The following ARHGAP25 variants were observed in gnomAD, a reference collection of about 807,000 sequenced individuals.
ARHGAP25 encodes rho GTPase-activating protein 25.
A neutral mutation model predicts 71.0 loss-of-function variants in ARHGAP25; 34 were observed. The observed-to-expected ratio is 0.48, with a 90% confidence interval of 0.36 to 0.64. The LOEUF (loss-of-function observed/expected upper bound fraction) is 0.64, where lower values mean the gene tolerates loss of function less well. Among genes scored for constraint, ARHGAP25 ranks in the 30% least tolerant of loss-of-function variants. The pLI is 0.00. For missense variants in ARHGAP25, 706 were observed against 805.1 expected (o/e 0.88, Z 1.49); for synonymous variants, 282 against 296.5 (o/e 0.95, Z 0.50).
chr2:68,796,857 C>T (rs144331001), intron 4 of ARHGAP25, among the ~76,000 whole-genome samples: 148 of 152,128 alleles, frequency 9.7e-4, no homozygotes, highest in Middle Eastern at 3.4e-3. Context: ...TTTTGGGCAG[C>T]GAGGATGGTG....
At chr2:68,734,336 A>G (rs1274416232), upstream of ARHGAP25, among the ~76,000 whole-genome samples, 1 of 152,196 alleles carries the variant, frequency 6.6e-6, no homozygotes, top group African/African-American at 2.4e-5. Flanking sequence ...TACAATGCCA[A>G]AGAACCCTTA....
intron 4 of ARHGAP25, 105 bp downstream of exon 4, chr2:68,788,061 C>A (rs1678882567): frequency 1.1e-6 from 1 of 898,760 alleles, no homozygotes; most frequent in African/African-American, 1.6e-5. Flanking sequence ...AGGGAGACAA[C>A]CAGAAAGCAG....
At chr2:68,747,071 A>G (rs1009902592) in intron 1 of ARHGAP25, among the ~76,000 whole-genome samples, 1 of 151,336 alleles carries the variant, frequency 6.6e-6, no homozygotes, top group Non-Finnish European at 1.5e-5. Flanking sequence ...GCTTTCAAAT[A>G]TAAGTGATAG....
At position 68,735,296 on chromosome 2, in the gene ARHGAP25, T is replaced by C. The variant is rs58366097; in HGVS notation, c.61+36T>C. Reference sequence around the variant, plus strand: ...TGTCTTTTCGTTGCCTCTGTGATTCTTACGTATACTCGAGCACCATTTGCA... The same window carrying C: ...TGTCTTTTCGTTGCCTCTGTGATTCCTACGTATACTCGAGCACCATTTGCA... On this transcript the variant is annotated intron_variant, in intron 1 of 10. Coordinates refer to ENST00000409202, the MANE Select transcript of ARHGAP25 (RefSeq NM_001007231.3). 476 of 1,590,808 alleles carry C rather than the reference T, an allele frequency of 3.0e-4. 3 individuals carry two copies. The African/African-American group carries it at 5.9e-3, about 20-fold the overall frequency.
intron 4 of ARHGAP25, among the ~76,000 whole-genome samples, chr2:68,789,809 A>G (rs1223448032): frequency 6.6e-6 from 1 of 151,934 alleles, no homozygotes; most frequent in African/African-American, 2.4e-5. Context: ...GAACTGCTGT[A>G]CTCTGTCATG....
chr2:68,773,842 A>C (rs1677649388), intron 1 of ARHGAP25, among the ~76,000 whole-genome samples: 1 of 152,220 alleles, frequency 6.6e-6, no homozygotes, highest in South Asian at 2.1e-4. Context: ...AGTAACATAT[A>C]CTTACCTTTG....
At chr2:68,719,034 A>G (rs1004664194) in intron 2 of ARHGAP25, among the ~76,000 whole-genome samples, 9 of 152,112 alleles carry the variant, frequency 5.9e-5, no homozygotes, top group African/African-American at 1.9e-4. Context: ...GGGGTTGGTA[A>G]ACACATCCAT....
intron 2 of ARHGAP25, among the ~76,000 whole-genome samples, chr2:68,726,383 A>C (rs1674883758): frequency 6.6e-6 from 1 of 152,204 alleles, no homozygotes; most frequent in Admixed American, 6.5e-5. Flanking sequence ...AATGGCCAAA[A>C]GGAGGTGTTA....
At chr2:68,822,188 C>T (rs1558666185) in intron 9 of ARHGAP25, 152 bp from the exon 10 acceptor site, 3 of 766,608 alleles carry the variant, frequency 3.9e-6, no homozygotes, top group Non-Finnish European at 6.4e-6. Flanking sequence ...GAAAAAAATG[C>T]TAATGCAGAT....
chr2:68,774,915 G>A (rs1457372420), intron 1 of ARHGAP25: 1 of 1,389,868 alleles, frequency 7.2e-7, no homozygotes, highest in Non-Finnish European at 9.3e-7. Context: ...TCTTCAGAAG[G>A]CTCCAGCCAA....
At chr2:68,722,010 A>G (rs1674774584) in intron 2 of ARHGAP25, among the ~76,000 whole-genome samples, 1 of 152,170 alleles carries the variant, frequency 6.6e-6, no homozygotes, top group Admixed American at 6.5e-5. Context: ...AAACCACACC[A>G]AAGGTTTGTG....
intron 5 of ARHGAP25, among the ~76,000 whole-genome samples, chr2:68,808,063 T>C (rs1283332103): frequency 6.6e-6 from 1 of 152,140 alleles, no homozygotes; most frequent in Non-Finnish European, 1.5e-5. Flanking sequence ...CAGCCCTGTT[T>C]GGGGCATATC....
At chr2:68,723,864 ATC>A (rs141110404) in intron 2 of ARHGAP25, among the ~76,000 whole-genome samples, 8 of 148,364 alleles carry the variant, frequency 5.4e-5, no homozygotes, top group Non-Finnish European at 1.0e-4. Flanking sequence ...GTGGGAGTAA[ATC>A]TCTCTCTCTC....
chr2:68,735,401 G>A, intron 1 of ARHGAP25, 141 bp downstream of exon 1: 1 of 869,734 alleles, frequency 1.1e-6, no homozygotes, highest in East Asian at 2.6e-5. Flanking sequence ...TTGCATTTAA[G>A]TTGGCATGCC....
intron 2 of ARHGAP25, among the ~76,000 whole-genome samples, chr2:68,716,983 A>G (rs1674626199): frequency 6.6e-6 from 1 of 152,236 alleles, no homozygotes; most frequent in Non-Finnish European, 1.5e-5. Context: ...ACAGTCACAC[A>G]TCATTTAACA....
At chr2:68,803,588 A>G (rs1461078499) in intron 4 of ARHGAP25, among the ~76,000 whole-genome samples, 1 of 152,186 alleles carries the variant, frequency 6.6e-6, no homozygotes, top group African/African-American at 2.4e-5. Context: ...GCAAAGACTT[A>G]GACCCACGTG....
intron 2 of ARHGAP25, among the ~76,000 whole-genome samples, chr2:68,781,038 G>A (rs1678295819): frequency 6.6e-6 from 1 of 152,188 alleles, no homozygotes; most frequent in African/African-American, 2.4e-5. Flanking sequence ...CTGCAAAGTG[G>A]CAGTGATAAA....
chr2:68,789,517 T>C (rs139680206), intron 4 of ARHGAP25, among the ~76,000 whole-genome samples: 5 of 152,290 alleles, frequency 3.3e-5, no homozygotes, highest in African/African-American at 4.8e-5. Context: ...GACATTAGCA[T>C]TGATTTTATC....
intron 1 of ARHGAP25, among the ~76,000 whole-genome samples, chr2:68,760,689 A>G (rs973722036): frequency 1.3e-5 from 2 of 152,160 alleles, no homozygotes; most frequent in East Asian, 3.9e-4. Context: ...GAAAGAAATT[A>G]AAGAAGAACA....
Sources: gnomAD v4.1 joint callset for allele counts (sites outside exome capture counted in the v4.1 genomes callset) on GRCh38, gnomAD v4.1.1 for gene constraint, MANE v1.5 for transcripts, NCBI Gene and HGNC (gene_info 2026-07-23, HGNC 2026-07-21) for gene names.